Variants in RNGTT observed in about 807,000 individuals in gnomAD.
RNGTT encodes the protein mRNA-capping enzyme.
Under a neutral mutation model 79.3 loss-of-function variants are expected in RNGTT, and 33 were observed. The observed-to-expected ratio is 0.42, with a 90% CI of 0.32 to 0.56. The LOEUF (loss-of-function observed/expected upper bound fraction) is 0.56. RNGTT is among the 20% of genes least tolerant of loss of function. The pLI, the probability that RNGTT is intolerant of heterozygous loss-of-function variation, is 0.17. For synonymous variants in RNGTT, 222 were observed against 235.9 expected (o/e 0.94, Z 0.54); for missense variants, 497 against 739.1 (o/e 0.67, Z 3.80).
chr6:88,732,417 C>CA (rs570026011), intron 13 of RNGTT, among the ~76,000 whole-genome samples: 27 of 152,050 alleles, frequency 1.8e-4, no homozygotes, highest in Admixed American at 4.6e-4. Context: ...TGGGAATGTA[C>CA]AATGGTACAG....
Position 88,906,436 on chromosome 6 carries a change from A to G in RNGTT, c.372T>C (p.Val124=), listed in dbSNP as rs752462759. ...NERNPPELIG[V]HCTHGFNRTG... is the part of the protein sequence containing the mutation. ...TGCGATTGAAGCCATGAGTACAATGAACACCTAGAAAATAAAGTAGCTTTG... is the reference window on the plus strand; with the variant it reads ...TGCGATTGAAGCCATGAGTACAATGGACACCTAGAAAATAAAGTAGCTTTG... The change falls in exon 5 of 16, where the codon GTT becomes GTC. Residue 124 remains valine, a synonymous_variant. Transcript: ENST00000369485. 2.5e-6 allele frequency: 4 copies of G among 1,581,402 alleles called. No homozygotes were observed. The highest frequency in any genetic ancestry group is 1.2e-5 in the South Asian group (1 of 83,620).
Position 88,887,047 on chromosome 6 carries a change from T to TAAA in RNGTT, c.896+3445_896+3447dup, listed in dbSNP as rs754717516. On this transcript the variant is annotated intron_variant, in intron 8 of 15. Transcript: ENST00000369485. ...GCAACATAGCAAAACACAATTTCTTTAAAAAAAAAAAAAAAAAAAAAAAGC... is the reference window on the plus strand; with the variant it reads ...GCAACATAGCAAAACACAATTTCTTTAAAAAAAAAAAAAAAAAAAAAAAAAAGC... Among the ~76,000 whole-genome samples, 401 of 83,460 alleles carry TAAA rather than the reference T, an allele frequency of 4.8e-3. 8 individuals carry two copies. Among genetic ancestry groups the TAAA allele is most frequent in the African/African-American group, 0.014 (317 of 23,062 alleles). 54.8% of individuals were successfully genotyped at this position (83,460 alleles called of 152,430 possible). A position where few individuals can be genotyped will look rare whatever the true frequency, so the allele number is the denominator to read the frequency against.
rs115980328 is a variant in RNGTT, at chr6:88,923,407, A to G, written c.367+5578T>C. Among the ~76,000 whole-genome samples, 348 of 152,312 alleles carry G rather than the reference A, an allele frequency of 2.3e-3. 1 individual carries two copies. The highest frequency in any genetic ancestry group is 7.9e-3 in the African/African-American group (330 of 41,572). On this transcript the variant is annotated intron_variant, in intron 4 of 15. Coordinates refer to ENST00000369485, the MANE Select transcript of RNGTT (RefSeq NM_003800.5). ...TTTAAGGATCTTGAGAAATACCACC[A>G]TGTTCTCTCTCCACATAGCCCTCTG...
At chr6:88,862,844 TA>T (rs1782056675) in intron 8 of RNGTT, among the ~76,000 whole-genome samples, 1 of 152,236 alleles carries the variant, frequency 6.6e-6, no homozygotes, top group Admixed American at 6.5e-5. Flanking sequence ...AACATAGCTC[TA>T]ACATAATCTC....
At chr6:88,644,018 G>C (rs1399671863) in intron 14 of RNGTT, among the ~76,000 whole-genome samples, 2 of 152,144 alleles carry the variant, frequency 1.3e-5, no homozygotes, top group African/African-American at 2.4e-5. Flanking sequence ...AGAACTGAAG[G>C]AGATAGAGAC....
chr6:88,960,729 T>G (rs757446782), intron 1 of RNGTT, among the ~76,000 whole-genome samples: 2 of 152,230 alleles, frequency 1.3e-5, no homozygotes, highest in Non-Finnish European at 2.9e-5. Flanking sequence ...CTCCAAGAGC[T>G]CTCTCTCATT....
intron 1 of RNGTT, among the ~76,000 whole-genome samples, chr6:88,943,655 A>G (rs1784920230): frequency 6.6e-6 from 1 of 152,150 alleles, no homozygotes; most frequent in Non-Finnish European, 1.5e-5. Flanking sequence ...CATGAGCAAT[A>G]AACATAATAA....
At chr6:88,674,225 CTAAGA>C (rs1169215881) in intron 14 of RNGTT, among the ~76,000 whole-genome samples, 11 of 152,132 alleles carry the variant, frequency 7.2e-5, no homozygotes, top group Non-Finnish European at 1.5e-4. Flanking sequence ...GCTATGGTAA[CTAAGA>C]TAAGATTTTT....
chr6:88,932,262 G>A (rs1205392513), intron 2 of RNGTT, among the ~76,000 whole-genome samples: 1 of 152,114 alleles, frequency 6.6e-6, no homozygotes, highest in African/African-American at 2.4e-5. Flanking sequence ...ATTCCAGCCT[G>A]GCAAATTCTA....
At chr6:88,838,215 G>A (rs1781146545) in intron 11 of RNGTT, among the ~76,000 whole-genome samples, 1 of 152,056 alleles carries the variant, frequency 6.6e-6, no homozygotes, top group Non-Finnish European at 1.5e-5. Flanking sequence ...AGAAGACAAG[G>A]CTGTTCACTC....
At chr6:88,894,761 G>A (rs1783175976) in intron 6 of RNGTT, among the ~76,000 whole-genome samples, 1 of 152,078 alleles carries the variant, frequency 6.6e-6, no homozygotes, top group South Asian at 2.1e-4. Context: ...CTTTATAATG[G>A]AAAGATCACT....
intron 13 of RNGTT, among the ~76,000 whole-genome samples, chr6:88,741,936 G>A (rs558957939): frequency 2.0e-4 from 30 of 152,222 alleles, no homozygotes; most frequent in African/African-American, 7.0e-4. Flanking sequence ...TAGTAGGATC[G>A]TGTGTTCTTT....
At chr6:88,911,947 A>C (rs1186419333) in intron 4 of RNGTT, among the ~76,000 whole-genome samples, 1 of 151,690 alleles carries the variant, frequency 6.6e-6, no homozygotes, top group Non-Finnish European at 1.5e-5. Flanking sequence ...AAATAAAATA[A>C]ATAAATTGCT....
Position 88,627,570 on chromosome 6 carries a change from T to C in RNGTT, c.1507-13175A>G, listed in dbSNP as rs565567943. Among the ~76,000 whole-genome samples, 44 of 152,186 alleles carry C rather than the reference T, an allele frequency of 2.9e-4. 1 individual carries two copies. Among genetic ancestry groups the C allele is most frequent in the Non-Finnish European group, 5.6e-4 (38 of 68,008 alleles). On this transcript the variant is annotated intron_variant, in intron 14 of 15. Transcript: ENST00000369485. ...CCTCTGGATAGATCTAATGTGGTTA[T>C]GTGGGAGTAAACCAAAATGCTGAAA... is the stretch of plus-strand genomic sequence containing the variant.
intron 13 of RNGTT, among the ~76,000 whole-genome samples, chr6:88,711,849 G>A (rs577815268): frequency 6.6e-6 from 1 of 152,158 alleles, no homozygotes; most frequent in Admixed American, 6.5e-5. Context: ...TGTTATAGTT[G>A]GATTGGATAT....
intron 13 of RNGTT, among the ~76,000 whole-genome samples, chr6:88,723,125 G>A (rs73754809): frequency 0.022 from 3,376 of 152,268 alleles, 108 homozygotes; most frequent in African/African-American, 0.077. Context: ...TCCAGAACAT[G>A]GCATTGTTAT....
intron 11 of RNGTT, among the ~76,000 whole-genome samples, chr6:88,827,094 C>A (rs1379387392): frequency 2.0e-5 from 3 of 151,894 alleles, no homozygotes; most frequent in Admixed American, 1.3e-4. Context: ...TATTCAGAGG[C>A]CTGGCAAGAT....
At chr6:88,738,868 A>ACCCC (rs986602326) in intron 13 of RNGTT, among the ~76,000 whole-genome samples, 2 of 151,036 alleles carry the variant, frequency 1.3e-5, no homozygotes, top group African/African-American at 4.9e-5. Context: ...ACACACACAC[A>ACCCC]CCCCTTCCAA....
intron 1 of RNGTT, among the ~76,000 whole-genome samples, chr6:88,946,188 G>A (rs572475861): frequency 7.0e-4 from 107 of 152,218 alleles, no homozygotes; most frequent in Admixed American, 2.8e-3. Context: ...CCACATTTTG[G>A]TAATTTCCAC....
Sources: gnomAD v4.1 joint callset for allele counts (sites outside exome capture counted in the v4.1 genomes callset) on GRCh38, gnomAD v4.1.1 for gene constraint, MANE v1.5 for transcripts, NCBI Gene and HGNC (gene_info 2026-07-23, HGNC 2026-07-21) for gene names.